TASP1: variants seen among roughly 807,000 people sequenced by gnomAD.
The protein encoded by TASP1 is taspase 1.
A neutral mutation model predicts 56.6 loss-of-function variants in TASP1; 16 were observed. The ratio of observed to expected loss-of-function variants is 0.28; its 90% confidence interval spans 0.19 to 0.43. The LOEUF (loss-of-function observed/expected upper bound fraction) is 0.43, where lower values mean the gene tolerates loss of function less well. TASP1 is among the 20% of genes least tolerant of loss of function. The pLI, the probability that TASP1 is intolerant of heterozygous loss-of-function variation, is 1.00. For synonymous variants in TASP1, 179 were observed against 184.2 expected (o/e 0.97, Z 0.23); for missense variants, 393 against 511.6 (o/e 0.77, Z 2.24).
chr20:13,520,562 C>T (rs1301908631), intron 10 of TASP1, among the ~76,000 whole-genome samples: 2 of 152,166 alleles, frequency 1.3e-5, no homozygotes, highest in Admixed American at 6.5e-5. Context: ...GGAAAACTGG[C>T]TAGCCGTATG....
intron 10 of TASP1, among the ~76,000 whole-genome samples, chr20:13,492,918 A>G (rs1288326995): frequency 6.6e-6 from 1 of 152,116 alleles, no homozygotes; most frequent in East Asian, 1.9e-4. Context: ...TATCACAGTT[A>G]TGATTAAACA....
intron 9 of TASP1, among the ~76,000 whole-genome samples, chr20:13,530,923 A>C (rs985321241): frequency 6.6e-6 from 1 of 152,162 alleles, no homozygotes; most frequent in Non-Finnish European, 1.5e-5. Flanking sequence ...AACTGTATTA[A>C]AATTTTATTA....
At chr20:13,289,235 G>A in the TASP1 span, among the ~76,000 whole-genome samples, 7 of 152,218 alleles carry the variant, frequency 4.6e-5, no homozygotes, top group Admixed American at 2.6e-4. Context: ...ACTCTGGTTA[G>A]ATTGGGTTTT....
chr20:13,307,056 C>T, the TASP1 span, among the ~76,000 whole-genome samples: 1 of 152,176 alleles, frequency 6.6e-6, no homozygotes, highest in Non-Finnish European at 1.5e-5. Flanking sequence ...GCAGCTGATC[C>T]AGTGCCAGAA....
chr20:13,227,568 G>T, the TASP1 span, among the ~76,000 whole-genome samples: 1 of 147,866 alleles, frequency 6.8e-6, no homozygotes, highest in African/African-American at 2.5e-5. Flanking sequence ...GAGTGCAGTG[G>T]CGCGATCTTG....
At chr20:13,528,570 TTC>T in intron 9 of TASP1, 59 bp from the exon 10 acceptor site, 1 of 1,442,124 alleles carries the variant, frequency 6.9e-7, no homozygotes, top group Non-Finnish European at 9.4e-7. Flanking sequence ...ATTATTAGTT[TTC>T]AACAGAAATC....
At chr20:13,105,542 T>C in the TASP1 span, among the ~76,000 whole-genome samples, 1 of 152,228 alleles carries the variant, frequency 6.6e-6, no homozygotes, top group African/African-American at 2.4e-5. Context: ...TGGTGTTCAT[T>C]TTAAAATTCT....
intron 12 of TASP1, among the ~76,000 whole-genome samples, chr20:13,421,858 G>A (rs531619479): frequency 1.9e-3 from 294 of 151,946 alleles, no homozygotes; most frequent in Non-Finnish European, 3.7e-3. Flanking sequence ...TACAGGTAGG[G>A]AAAATACAGG....
chr20:13,189,527 A>C, the TASP1 span, among the ~76,000 whole-genome samples: 1 of 152,088 alleles, frequency 6.6e-6, no homozygotes, highest in Non-Finnish European at 1.5e-5. Context: ...AAGACATCTC[A>C]AAGTGGCCAA....
the TASP1 span, among the ~76,000 whole-genome samples, chr20:13,229,525 A>T: frequency 9.6e-4 from 147 of 152,350 alleles, no homozygotes; most frequent in African/African-American, 3.5e-3. Context: ...TTGCTAAATG[A>T]TAGTCCACTG....
the TASP1 span, among the ~76,000 whole-genome samples, chr20:13,312,327 G>A: frequency 2.0e-5 from 3 of 152,186 alleles, no homozygotes; most frequent in Non-Finnish European, 2.9e-5. Context: ...GTATGTGGCC[G>A]TGATGGGTTG....
intron 10 of TASP1, among the ~76,000 whole-genome samples, chr20:13,522,238 A>C (rs951181491): frequency 6.6e-6 from 1 of 152,180 alleles, no homozygotes; most frequent in Non-Finnish European, 1.5e-5. Context: ...GTGGCTTAAC[A>C]TTTCAAAATA....
chr20:13,235,360 T>C, the TASP1 span, among the ~76,000 whole-genome samples: 1 of 152,206 alleles, frequency 6.6e-6, no homozygotes, highest in African/African-American at 2.4e-5. Flanking sequence ...GGTCATGGGC[T>C]TTGGAGTTGT....
chr20:13,563,017 T>G (rs1467757497), intron 7 of TASP1, among the ~76,000 whole-genome samples: 1 of 141,366 alleles, frequency 7.1e-6, no homozygotes. Context: ...TAGGTGTATA[T>G]ATACACACAC....
In TASP1 at chr20:13,432,655, A is replaced by G. The variant is rs80131959; in HGVS notation, c.1096+2389T>C. On this transcript the variant is annotated intron_variant, in intron 12 of 13. Transcript: ENST00000337743. ...AACGGCAAGGTTTCACTTATTTCATAAACTGGCACTTCACACTTAATGCTT... is the reference window on the plus strand; with the variant it reads ...AACGGCAAGGTTTCACTTATTTCATGAACTGGCACTTCACACTTAATGCTT... Among the ~76,000 whole-genome samples the G allele has an allele frequency of 1.2e-4, 18 of 152,322 alleles. No homozygotes were observed. The East Asian group carries it at 3.5e-3, about 29-fold the overall frequency.
chr20:13,420,574 T>C (rs1025822293), intron 12 of TASP1, among the ~76,000 whole-genome samples: 2 of 152,256 alleles, frequency 1.3e-5, no homozygotes, highest in African/African-American at 2.4e-5. Flanking sequence ...ATTTAAATTA[T>C]AAAACACTTT....
chr20:13,535,193 G>C (rs1306829806), intron 8 of TASP1, among the ~76,000 whole-genome samples: 1 of 152,086 alleles, frequency 6.6e-6, no homozygotes, highest in African/African-American at 2.4e-5. Context: ...TCCCTAAGAA[G>C]CAAAATGACA....
chr20:13,213,846 G>A, the TASP1 span, among the ~76,000 whole-genome samples: 1,079 of 152,176 alleles, frequency 7.1e-3, 6 homozygotes, highest in Middle Eastern at 0.014. Flanking sequence ...CACATAATCC[G>A]AAATTAATCC....
chr20:13,295,078 TCCA>T, the TASP1 span, among the ~76,000 whole-genome samples: 1 of 152,118 alleles, frequency 6.6e-6, no homozygotes, highest in Admixed American at 6.5e-5. Flanking sequence ...CCGTGTGATT[TCCA>T]CCCACACCAC....
Sources: allele counts gnomAD v4.1 joint callset (sites outside exome capture counted in the v4.1 genomes callset), GRCh38; gene constraint gnomAD v4.1.1; transcripts MANE v1.5; gene names NCBI Gene and HGNC (gene_info 2026-07-23, HGNC 2026-07-21).